The following ZNF385B variants were observed in gnomAD, a reference collection of about 807,000 sequenced individuals.
ZNF385B encodes zinc finger protein 385B.
ZNF385B carries 23 observed loss-of-function variants against 39.2 expected under a neutral mutation model. The observed-to-expected ratio is 0.59, with a 90% CI of 0.42 to 0.83. The LOEUF (loss-of-function observed/expected upper bound fraction) is 0.83. Among genes scored for constraint, ZNF385B ranks in the 40% least tolerant of loss-of-function variants. ZNF385B has a pLI of 0.00. For synonymous variants in ZNF385B, 205 were observed against 222.6 expected, an observed-to-expected ratio of 0.92 and a Z score of 0.70; for missense variants, 552 against 598.9, an observed-to-expected ratio of 0.92 and a Z score of 0.82.
At chr2:179,490,989 T>C (rs1237615942) in intron 5 of ZNF385B, among the ~76,000 whole-genome samples, 1 of 152,194 alleles carries the variant, frequency 6.6e-6, no homozygotes, top group Non-Finnish European at 1.5e-5. Flanking sequence ...TATAAATAAG[T>C]TTATTATATA....
intron 1 of ZNF385B, among the ~76,000 whole-genome samples, chr2:179,808,133 C>T (rs1706499447): frequency 6.6e-6 from 1 of 151,894 alleles, no homozygotes; most frequent in Non-Finnish European, 1.5e-5. Flanking sequence ...CCCAGGTTCA[C>T]GCCATTCTCC....
chr2:179,831,890 A>G (rs1396343614), intron 1 of ZNF385B, among the ~76,000 whole-genome samples: 1 of 152,160 alleles, frequency 6.6e-6, no homozygotes, highest in Non-Finnish European at 1.5e-5. Context: ...ACTCCCTGCT[A>G]TTTTTCTGAT....
intron 3 of ZNF385B, among the ~76,000 whole-genome samples, chr2:179,728,219 G>GA (rs1559136416): frequency 6.6e-6 from 1 of 152,068 alleles, no homozygotes; most frequent in African/African-American, 2.4e-5. Context: ...TAATTCTGGA[G>GA]AAAATAAAAA....
chr2:179,682,167 T>C (rs894845983), intron 3 of ZNF385B, among the ~76,000 whole-genome samples: 3 of 152,212 alleles, frequency 2.0e-5, no homozygotes, highest in Non-Finnish European at 4.4e-5. Flanking sequence ...ACCTTTGTCC[T>C]GCATCAGTAG....
chr2:179,804,880 C>T (rs985886112), intron 1 of ZNF385B, among the ~76,000 whole-genome samples: 1 of 152,166 alleles, frequency 6.6e-6, no homozygotes, highest in Non-Finnish European at 1.5e-5. Flanking sequence ...TAGTGAAGCC[C>T]TTCTCATTCC....
intron 1 of ZNF385B, among the ~76,000 whole-genome samples, chr2:179,849,840 C>A (rs116136929): frequency 1.3e-5 from 2 of 152,146 alleles, no homozygotes; most frequent in African/African-American, 4.8e-5. Flanking sequence ...CCTAATATTG[C>A]AAGCACCATA....
At chr2:179,721,650 G>A (rs993573081) in intron 3 of ZNF385B, among the ~76,000 whole-genome samples, 1 of 151,758 alleles carries the variant, frequency 6.6e-6, no homozygotes, top group Non-Finnish European at 1.5e-5. Context: ...AATAAAGAGA[G>A]AAAAAGTATT....
chr2:179,758,056 C>T (rs12052744), intron 3 of ZNF385B, among the ~76,000 whole-genome samples: 20,308 of 152,088 alleles, frequency 0.13, 1,829 homozygotes, highest in East Asian at 0.48. Flanking sequence ...GCATCACTCA[C>T]GCTGGGAGCT....
chr2:179,696,330 T>TTTTTTTTTTTTA (rs1698754563), intron 3 of ZNF385B, among the ~76,000 whole-genome samples: 1 of 122,162 alleles, frequency 8.2e-6, no homozygotes, highest in South Asian at 3.1e-4. Context: ...CTGGGACTTT[T>TTTTTTTTTTTTA]TTTTTTTTTT....
chr2:179,505,311 A>C (rs1254420999), intron 5 of ZNF385B, among the ~76,000 whole-genome samples: 1 of 151,930 alleles, frequency 6.6e-6, no homozygotes, highest in African/African-American at 2.4e-5. Context: ...AACTATAAAA[A>C]AAAAAGGAGA....
chr2:179,726,027 T>TA (rs1323770443), intron 3 of ZNF385B, among the ~76,000 whole-genome samples: 1 of 151,798 alleles, frequency 6.6e-6, no homozygotes, highest in Non-Finnish European at 1.5e-5. Context: ...AATGAAATCT[T>TA]AGAGTCATAG....
intron 3 of ZNF385B, among the ~76,000 whole-genome samples, chr2:179,639,181 T>C (rs1430677078): frequency 7.8e-6 from 1 of 127,922 alleles, no homozygotes; most frequent in Non-Finnish European, 1.5e-5. Flanking sequence ...TGAGCCAAGA[T>C]GGTGCCGCTG....
intron 3 of ZNF385B, among the ~76,000 whole-genome samples, chr2:179,718,677 T>C (rs1323485143): frequency 1.3e-5 from 2 of 150,944 alleles, no homozygotes; most frequent in African/African-American, 2.4e-5. Flanking sequence ...GGCTTTTAAA[T>C]GACTCCTTCT....
rs2049109119 is a variant in ZNF385B at position 179,443,131 on chromosome 2, G to A, written c.*119C>T. ...CTCTGGAATTGGGGGACTGGGTGGT[G>A]GGCTGCATTTTGTGGGTGAATGGGG... On this transcript the variant is annotated 3_prime_UTR_variant, in exon 10 of 10. Transcript: ENST00000410066. The A allele has an allele frequency of 1.9e-6, 2 of 1,065,014 alleles. No homozygotes were observed. The highest frequency in any genetic ancestry group is 3.6e-5 in the African/African-American group (2 of 56,288). 66.0% of individuals were successfully genotyped at this position (1,065,014 alleles called of 1,614,324 possible).
At chr2:179,552,181 C>T (rs1269886659) in intron 3 of ZNF385B, among the ~76,000 whole-genome samples, 2 of 149,072 alleles carry the variant, frequency 1.3e-5, no homozygotes, top group Non-Finnish European at 3.0e-5. Context: ...GAAATTATTG[C>T]CTTAGTCTTT....
At chr2:179,547,925 T>C (rs2060337290) in intron 3 of ZNF385B, among the ~76,000 whole-genome samples, 1 of 149,772 alleles carries the variant, frequency 6.7e-6, no homozygotes, top group Admixed American at 6.6e-5. Flanking sequence ...GTTTTCATTG[T>C]AGAGATTTTT....
chr2:179,792,004 C>A (rs1705358042), intron 1 of ZNF385B, among the ~76,000 whole-genome samples: 1 of 152,162 alleles, frequency 6.6e-6, no homozygotes, highest in Non-Finnish European at 1.5e-5. Flanking sequence ...TCAAGTGACC[C>A]ACCTGCCTTG....
chr2:179,773,523 C>T (rs1270296812), intron 1 of ZNF385B, among the ~76,000 whole-genome samples: 7 of 152,230 alleles, frequency 4.6e-5, no homozygotes, highest in African/African-American at 1.7e-4. Context: ...AGTCTCTTCT[C>T]ACCTCTGCAC....
At chr2:179,694,812 C>T (rs919094006) in intron 3 of ZNF385B, among the ~76,000 whole-genome samples, 2 of 152,086 alleles carry the variant, frequency 1.3e-5, no homozygotes, top group African/African-American at 2.4e-5. Context: ...GGCCTGTAGT[C>T]CCAGCTACTC....
Sources: gnomAD v4.1 joint callset for allele counts (sites outside exome capture counted in the v4.1 genomes callset) on GRCh38, gnomAD v4.1.1 for gene constraint, MANE v1.5 for transcripts, NCBI Gene and HGNC (gene_info 2026-07-23, HGNC 2026-07-21) for gene names.